RALYL: variants seen among roughly 807,000 people sequenced by gnomAD.
The protein encoded by RALYL is RNA-binding Raly-like protein.
RALYL carries 29 observed loss-of-function variants against 35.1 expected under a neutral mutation model. The observed-to-expected ratio is 0.83, with a 90% CI of 0.61 to 1.13. The LOEUF is 1.13. Ranked by LOEUF, RALYL falls within the 50% of genes most tolerant of loss-of-function variation. RALYL has a pLI of 0.00. For missense variants in RALYL, 359 were observed against 360.4 expected (o/e 1.00, Z 0.03); for synonymous variants, 120 against 127.6 (o/e 0.94, Z 0.40).
chr8:84,755,715 C>G (rs1811227452), intron 2 of RALYL, among the ~76,000 whole-genome samples: 1 of 151,676 alleles, frequency 6.6e-6, no homozygotes, highest in Non-Finnish European at 1.5e-5. Context: ...AATATTTATA[C>G]AAAGGTGATA....
intron 2 of RALYL, among the ~76,000 whole-genome samples, chr8:84,584,889 A>G (rs1484161122): frequency 1.3e-5 from 2 of 152,222 alleles, no homozygotes; most frequent in Admixed American, 6.5e-5. Context: ...TCTTAGGATC[A>G]TAAAGAAACT....
At chr8:84,387,712 C>A (rs1265399304) in intron 1 of RALYL, among the ~76,000 whole-genome samples, 1 of 151,850 alleles carries the variant, frequency 6.6e-6, no homozygotes, top group Non-Finnish European at 1.5e-5. Flanking sequence ...CTTTAGCTAC[C>A]ACTCAGCTCC....
At chr8:84,725,071 G>T (rs1404113960) in intron 2 of RALYL, among the ~76,000 whole-genome samples, 1 of 151,500 alleles carries the variant, frequency 6.6e-6, no homozygotes, top group Non-Finnish European at 1.5e-5. Context: ...TCAATTATAT[G>T]TAATTAATGA....
At chr8:84,899,910 T>TC (rs1845379338) in intron 8 of RALYL, among the ~76,000 whole-genome samples, 1 of 152,174 alleles carries the variant, frequency 6.6e-6, no homozygotes, top group African/African-American at 2.4e-5. Flanking sequence ...AGAAAGTAAA[T>TC]TTCAGAGGAT....
At chr8:84,613,945 C>T (rs1424464257) in intron 2 of RALYL, among the ~76,000 whole-genome samples, 1 of 150,472 alleles carries the variant, frequency 6.6e-6, no homozygotes, top group Admixed American at 6.6e-5. Flanking sequence ...CAGCCACCTT[C>T]TCTCGTTGGT....
chr8:84,432,057 G>A (rs1255272392), intron 1 of RALYL, among the ~76,000 whole-genome samples: 1 of 152,116 alleles, frequency 6.6e-6, no homozygotes, highest in Non-Finnish European at 1.5e-5. Flanking sequence ...ACTACCATAT[G>A]GTTTAACAAT....
intron 2 of RALYL, among the ~76,000 whole-genome samples, chr8:84,718,452 C>T (rs955915760): frequency 2.6e-5 from 4 of 151,958 alleles, no homozygotes; most frequent in African/African-American, 9.7e-5. Context: ...TTAATTATTG[C>T]ATAAAATTGT....
intron 2 of RALYL, among the ~76,000 whole-genome samples, chr8:84,671,914 A>C (rs367991835): frequency 6.6e-6 from 1 of 152,198 alleles, no homozygotes; most frequent in African/African-American, 2.4e-5. Flanking sequence ...CTCCTCAGAA[A>C]ATCAGAAGAT....
chr8:84,240,187 G>C (rs1319036282), intron 1 of RALYL, among the ~76,000 whole-genome samples: 2 of 152,136 alleles, frequency 1.3e-5, no homozygotes, highest in Non-Finnish European at 2.9e-5. Context: ...ACTTCCCACA[G>C]TCTGTACATT....
At chr8:84,304,355 G>T (rs926506468) in intron 1 of RALYL, among the ~76,000 whole-genome samples, 4 of 152,184 alleles carry the variant, frequency 2.6e-5, no homozygotes, top group East Asian at 3.9e-4. Flanking sequence ...CTGACCTCGT[G>T]ATCTGCCCGT....
At chr8:84,253,547 C>T (rs1269462809) in intron 1 of RALYL, among the ~76,000 whole-genome samples, 1 of 151,818 alleles carries the variant, frequency 6.6e-6, no homozygotes, top group Non-Finnish European at 1.5e-5. Flanking sequence ...GAGGACTTTC[C>T]ATGTCTGTTA....
intron 2 of RALYL, among the ~76,000 whole-genome samples, chr8:84,759,336 A>G (rs1812150460): frequency 1.3e-5 from 2 of 152,136 alleles, no homozygotes. Flanking sequence ...TTAAACCTCT[A>G]CAGTAATAAT....
chr8:84,728,761 G>C (rs1012286842), intron 2 of RALYL, among the ~76,000 whole-genome samples: 147 of 152,098 alleles, frequency 9.7e-4, no homozygotes, highest in Middle Eastern at 3.4e-3. Context: ...TTTTTCTCAG[G>C]TTTGTCAAAG....
Position 84,735,017 on chromosome 8 carries a change from G to GTA in RALYL, c.257-39561_257-39560insAT, listed in dbSNP as rs1318525895. Among the ~76,000 whole-genome samples the GTA allele has an allele frequency of 2.0e-5, 3 of 150,898 alleles. No individual in the cohort carries two copies. The East Asian group carries it at 5.8e-4, about 29-fold the overall frequency. ...TATATAGATATGTTTGTGTGTGTGT[G>GTA]TGTGTGTGTGTGTGTGTGTGTATTC... On this transcript the variant is annotated intron_variant, in intron 2 of 8. Transcript: ENST00000521268.
At chr8:84,499,483 T>G (rs2056435010) in intron 1 of RALYL, among the ~76,000 whole-genome samples, 1 of 152,156 alleles carries the variant, frequency 6.6e-6, no homozygotes, top group South Asian at 2.1e-4. Context: ...TATTTGCCAA[T>G]ATTATTGTCA....
intron 1 of RALYL, among the ~76,000 whole-genome samples, chr8:84,378,212 T>C (rs1409538050): frequency 1.3e-5 from 2 of 151,974 alleles, no homozygotes; most frequent in Non-Finnish European, 2.9e-5. Flanking sequence ...CTATAACACA[T>C]TTTAATGTGT....
intron 7 of RALYL, among the ~76,000 whole-genome samples, chr8:84,876,405 C>A (rs1344188197): frequency 6.6e-6 from 1 of 152,136 alleles, no homozygotes; most frequent in Admixed American, 6.6e-5. Flanking sequence ...TATAGAAAAC[C>A]ACAAGTAACA....
chr8:84,514,226 T>TTAATACTACCACATACGGG (rs2057875096), intron 1 of RALYL, among the ~76,000 whole-genome samples: 1 of 152,062 alleles, frequency 6.6e-6, no homozygotes, highest in Admixed American at 6.6e-5. Context: ...GTGTTGCTAC[T>TTAATACTACCACATACGGG]TCTAAAAGTA....
At chr8:84,226,744 T>C (rs1823974299) in intron 1 of RALYL, among the ~76,000 whole-genome samples, 1 of 152,220 alleles carries the variant, frequency 6.6e-6, no homozygotes, top group African/African-American at 2.4e-5. Flanking sequence ...GAGTTTATCA[T>C]TGAAGTTAAG....
Sources: gnomAD v4.1 joint callset for allele counts (sites outside exome capture counted in the v4.1 genomes callset) on GRCh38, gnomAD v4.1.1 for gene constraint, MANE v1.5 for transcripts, NCBI Gene and HGNC (gene_info 2026-07-23, HGNC 2026-07-21) for gene names.